The following YAP1 variants were observed in gnomAD, a reference collection of about 807,000 sequenced individuals.
The protein encoded by YAP1 is transcriptional coactivator YAP1.
In YAP1, 5 loss-of-function variants were observed where a neutral mutation model predicts 56.9. The observed-to-expected ratio is 0.09, with a 90% CI of 0.05 to 0.18. The LOEUF (loss-of-function observed/expected upper bound fraction) is 0.18, where lower values mean the gene tolerates loss of function less well. Ranked by LOEUF, YAP1 falls within the 10% of genes least tolerant of loss-of-function variation. The probability of loss-of-function intolerance (pLI) is 1.00; values close to 1 mark genes in which losing one functional copy is unlikely to be tolerated. For missense variants in YAP1, 539 were observed against 651.8 expected (o/e 0.83, Z 1.88); for synonymous variants, 265 against 248.1 (o/e 1.07, Z -0.64).
intron 2 of YAP1, among the ~76,000 whole-genome samples, chr11:102,154,049 A>G (rs917717509): frequency 2.6e-5 from 4 of 152,174 alleles, no homozygotes; most frequent in Non-Finnish European, 4.4e-5. Flanking sequence ...GACTATTAGT[A>G]ACATTTTCTA....
chr11:102,202,671 T>TG (rs1277197008), intron 4 of YAP1, among the ~76,000 whole-genome samples: 1 of 152,110 alleles, frequency 6.6e-6, no homozygotes, highest in Non-Finnish European at 1.5e-5. Context: ...AAATAATACA[T>TG]GGGAAGGAAT....
intron 3 of YAP1, among the ~76,000 whole-genome samples, chr11:102,163,612 G>T (rs943442569): frequency 2.6e-5 from 4 of 152,166 alleles, no homozygotes; most frequent in Non-Finnish European, 5.9e-5. Context: ...TAGTAGACTT[G>T]ATGGCTTTCT....
At chr11:102,155,294 G>A (rs1316339226) in intron 2 of YAP1, among the ~76,000 whole-genome samples, 6 of 152,172 alleles carry the variant, frequency 3.9e-5, no homozygotes, top group African/African-American at 9.7e-5. Flanking sequence ...GAGTAGTTAA[G>A]ACTAGGTAAG....
At chr11:102,196,601 T>C (rs1267891253) in intron 4 of YAP1, among the ~76,000 whole-genome samples, 1 of 151,392 alleles carries the variant, frequency 6.6e-6, no homozygotes, top group African/African-American at 2.4e-5. Flanking sequence ...ATACAGGGCT[T>C]TTTTGTTTGT....
chr11:102,186,883 A>C (rs1281510549), intron 4 of YAP1, among the ~76,000 whole-genome samples: 3 of 141,166 alleles, frequency 2.1e-5, no homozygotes, highest in African/African-American at 5.2e-5. Flanking sequence ...TGGGTTTCTG[A>C]GATATTTTTC....
intron 3 of YAP1, among the ~76,000 whole-genome samples, chr11:102,162,772 G>A (rs1007361212): frequency 6.6e-6 from 1 of 152,144 alleles, no homozygotes; most frequent in Non-Finnish European, 1.5e-5. Context: ...AACGCATAAG[G>A]GGGCCGATAA....
chr11:102,185,889 C>G, intron 3 of YAP1, 129 bp from the exon 4 acceptor site: 1 of 928,308 alleles, frequency 1.1e-6, no homozygotes. Flanking sequence ...CTGAACACAG[C>G]CTTAAATATG....
rs977387133 is a variant in YAP1, at chr11:102,110,611, G to C, written c.-238G>C. Reference sequence around the variant, plus strand: ...CAGGCGCCGCAGGTCCGAGTGCCTCGCAGCCCCTCCCGAGGCGCAGCCGCC... The same window carrying C: ...CAGGCGCCGCAGGTCCGAGTGCCTCCCAGCCCCTCCCGAGGCGCAGCCGCC... On this transcript the variant is annotated 5_prime_UTR_variant, in exon 1 of 9. Coordinates refer to ENST00000282441, the MANE Select transcript of YAP1 (RefSeq NM_001130145.3). The C allele has an allele frequency of 8.7e-5, 21 of 242,592 alleles. No individual in the cohort carries two copies. The Admixed American group carries it at 1.1e-3, about 13-fold the overall frequency. The allele number at this position is 242,592 out of a possible 1,614,324, so 15.0% of individuals were successfully genotyped here.
rs1950474382 is a variant in YAP1 at position 102,232,774 on chromosome 11, C to T, written c.*2834C>T. The T allele has an allele frequency of 6.6e-6, 1 of 152,564 alleles. No individual in the cohort carries two copies. The highest frequency in any genetic ancestry group is 1.5e-5 in the Non-Finnish European group (1 of 68,022). The allele number at this position is 152,564 out of a possible 1,614,324, so 9.5% of individuals were successfully genotyped here. A position where few individuals can be genotyped will look rare whatever the true frequency, so the allele number is the denominator to read the frequency against. ...TTTTTACATTTGTGTTATTTTCAGT[C>T]AGGGCTTCTTAGATCTACTTATGGT... On this transcript the variant is annotated 3_prime_UTR_variant, in exon 9 of 9. Coordinates refer to ENST00000282441, the MANE Select transcript of YAP1 (RefSeq NM_001130145.3).
intron 2 of YAP1, among the ~76,000 whole-genome samples, chr11:102,120,550 CTT>C (rs1943587627): frequency 6.6e-6 from 1 of 152,192 alleles, no homozygotes; most frequent in Admixed American, 6.5e-5. Context: ...CTCTCTATCT[CTT>C]TATGGGATGT....
chr11:102,116,451 T>G (rs933844113), intron 2 of YAP1, among the ~76,000 whole-genome samples: 4 of 152,302 alleles, frequency 2.6e-5, no homozygotes, highest in Non-Finnish European at 5.9e-5. Flanking sequence ...TTTCAAAGTT[T>G]CCAGTGATTC....
At chr11:102,112,721 G>C (rs1031490253) in intron 1 of YAP1, 1 of 985,164 alleles carries the variant, frequency 1.0e-6, no homozygotes, top group Non-Finnish European at 1.2e-6. Context: ...TTAGCTGCTT[G>C]CCTAAACACT....
At chr11:102,111,672 A>G (rs561071830) in intron 1 of YAP1, among the ~76,000 whole-genome samples, 7 of 152,232 alleles carry the variant, frequency 4.6e-5, no homozygotes, top group African/African-American at 1.7e-4. Flanking sequence ...GAGTTTGTGA[A>G]GTTGAGCCCT....
At chr11:102,193,228 C>T (rs1483173909) in intron 4 of YAP1, among the ~76,000 whole-genome samples, 1 of 152,038 alleles carries the variant, frequency 6.6e-6, no homozygotes, top group Non-Finnish European at 1.5e-5. Flanking sequence ...TTTCTTTTTC[C>T]TTCAAAAGCA....
At chr11:102,172,300 ATTTTTTTTTT>A (rs752185861) in intron 3 of YAP1, among the ~76,000 whole-genome samples, 14 of 110,838 alleles carry the variant, frequency 1.3e-4, no homozygotes, top group African/African-American at 3.8e-4. Flanking sequence ...ACAGTGAAGA[ATTTTTTTTTT>A]TTTTTTTTTT....
intron 2 of YAP1, among the ~76,000 whole-genome samples, chr11:102,134,346 G>A (rs1447100859): frequency 6.6e-6 from 1 of 151,748 alleles, no homozygotes; most frequent in Non-Finnish European, 1.5e-5. Context: ...TAAACAACAT[G>A]GAATTATGTG....
intron 2 of YAP1, among the ~76,000 whole-genome samples, chr11:102,152,387 C>T (rs74955330): frequency 0.012 from 1,870 of 152,270 alleles, 16 homozygotes; most frequent in African/African-American, 0.024. Context: ...GGAGGTGACA[C>T]ATAAGGCAGT....
intron 2 of YAP1, among the ~76,000 whole-genome samples, chr11:102,147,835 C>T (rs961325794): frequency 2.0e-5 from 3 of 152,128 alleles, no homozygotes; most frequent in African/African-American, 7.2e-5. Flanking sequence ...TAACCATGTA[C>T]ATATTACTTA....
At chr11:102,165,920 G>A (rs1229098235) in intron 3 of YAP1, among the ~76,000 whole-genome samples, 2 of 152,174 alleles carry the variant, frequency 1.3e-5, no homozygotes, top group East Asian at 3.9e-4. Context: ...GGTGATGGGT[G>A]TGGAGATGAT....
Sources: allele counts gnomAD v4.1 joint callset (sites outside exome capture counted in the v4.1 genomes callset), GRCh38; gene constraint gnomAD v4.1.1; transcripts MANE v1.5; gene names NCBI Gene and HGNC (gene_info 2026-07-23, HGNC 2026-07-21).